The following EFL1 variants were observed in gnomAD, a reference collection of about 807,000 sequenced individuals.
EFL1 encodes the protein elongation factor-like GTPase 1.
EFL1 carries 76 observed loss-of-function variants against 126.7 expected under a neutral mutation model. The observed-to-expected ratio is 0.60, with a 90% CI of 0.50 to 0.73. The LOEUF (loss-of-function observed/expected upper bound fraction) is 0.73. Ranked by LOEUF, EFL1 falls within the 30% of genes least tolerant of loss-of-function variation. EFL1 has a pLI of 0.00. For missense variants in EFL1, 1,128 were observed against 1,343.2 expected (o/e 0.84, Z 2.50); for synonymous variants, 410 against 448.4 (o/e 0.91, Z 1.08).
At chr15:82,261,833 G>A in intron 1 of EFL1, 36 bp from the exon 2 acceptor site, 1 of 1,535,092 alleles carries the variant, frequency 6.5e-7, no homozygotes, top group East Asian at 2.3e-5. Context: ...TGGCCCAGAG[G>A]CTAAAGGTCG....
intron 15 of EFL1, among the ~76,000 whole-genome samples, chr15:82,170,761 T>C (rs2074127389): frequency 1.3e-5 from 2 of 152,256 alleles, no homozygotes; most frequent in African/African-American, 2.4e-5. Flanking sequence ...ATAACTTCTT[T>C]ATGAGGCATA....
chr15:82,180,851 C>A (rs1404661558), intron 15 of EFL1, among the ~76,000 whole-genome samples: 1 of 151,998 alleles, frequency 6.6e-6, no homozygotes, highest in East Asian at 1.9e-4. Flanking sequence ...ACCTCAGCCT[C>A]CTCAGTAGCT....
In EFL1 at chr15:82,246,470, G is replaced by A. The variant is rs117199519; in HGVS notation, c.245-5067C>T. Among the ~76,000 whole-genome samples the A allele has an allele frequency of 3.1e-3, 474 of 152,134 alleles. 1 individual carries two copies. Among genetic ancestry groups the A allele is most frequent in the Admixed American group, 5.5e-3 (84 of 15,286 alleles). ...ACTGTAAGGTGCTAGTCTCATTATC[G>A]GAGTAATTGAGAGAGTAATTGTAGG... On this transcript the variant is annotated intron_variant, in intron 4 of 19. Transcript: ENST00000268206.
chr15:82,131,495 C>T (rs2073644038), intron 19 of EFL1, among the ~76,000 whole-genome samples: 1 of 152,014 alleles, frequency 6.6e-6, no homozygotes. Flanking sequence ...GGGTGCATGA[C>T]ATTGTGAATG....
chr15:82,196,484 T>G (rs2074409164), intron 15 of EFL1, among the ~76,000 whole-genome samples: 1 of 152,242 alleles, frequency 6.6e-6, no homozygotes, highest in Non-Finnish European at 1.5e-5. Flanking sequence ...GTGTTTCAAA[T>G]AATCTCAGCT....
chr15:82,230,312 T>G (rs8032633), intron 8 of EFL1, among the ~76,000 whole-genome samples: 1 of 151,960 alleles, frequency 6.6e-6, no homozygotes, highest in East Asian at 1.9e-4. Context: ...GGTTTTAACA[T>G]TAAAAACACA....
At chr15:82,253,519 C>T (rs558919121) in intron 3 of EFL1, among the ~76,000 whole-genome samples, 1 of 152,172 alleles carries the variant, frequency 6.6e-6, no homozygotes, top group South Asian at 2.1e-4. Context: ...TGGGGCAGGT[C>T]AAGAACAACT....
chr15:82,208,707 T>C (rs2074551758), intron 15 of EFL1, among the ~76,000 whole-genome samples: 1 of 152,004 alleles, frequency 6.6e-6, no homozygotes, highest in Non-Finnish European at 1.5e-5. Flanking sequence ...ATGACATCAA[T>C]TACAGCAAGG....
chr15:82,131,266 A>G (rs1217099079), intron 19 of EFL1, among the ~76,000 whole-genome samples: 1 of 152,168 alleles, frequency 6.6e-6, no homozygotes, highest in Middle Eastern at 3.2e-3. Flanking sequence ...AGATCAACAC[A>G]TGTAACTACA....
rs774337883 is a variant in EFL1, at chr15:82,138,747, G to A, written c.3085C>T (p.Pro1029Ser). Residue 1029 changes from proline (P) to serine (S), a missense_variant, in exon 19 of 20, where the codon CCT becomes TCT. This residue lies in a region of EFL1 where 561 missense variants were observed against 641.7 expected (regional missense o/e 0.87). Coordinates refer to ENST00000268206, the MANE Select transcript of EFL1 (RefSeq NM_024580.6). ...GCAAAACCAAAGCTTTCAGCAACAG[G>A]CAGCACAGCCTTGATGATGAACATG... ...TDMFIIKAVL[P>S]VAESFGFADE... 1.9e-6 allele frequency: 3 copies of A among 1,613,970 alleles called. No homozygotes were observed. Among genetic ancestry groups the A allele is most frequent in the East Asian group, 2.2e-5 (1 of 44,874 alleles).
At chr15:82,213,986 CT>C (rs201729212) in intron 15 of EFL1, among the ~76,000 whole-genome samples, 1 of 152,138 alleles carries the variant, frequency 6.6e-6, no homozygotes, top group African/African-American at 2.4e-5. Flanking sequence ...CAGACTAGGC[CT>C]TTTTTAAAAA....
intron 15 of EFL1, among the ~76,000 whole-genome samples, chr15:82,199,902 A>T (rs1285290699): frequency 2.0e-5 from 3 of 152,212 alleles, no homozygotes; most frequent in Non-Finnish European, 4.4e-5. Flanking sequence ...AATGTTTAAA[A>T]ATAGCCCCCA....
At position 82,233,190 on chromosome 15, in the gene EFL1, C is replaced by G. The variant is rs1264951309; in HGVS notation, c.732-2219G>C. Among the ~76,000 whole-genome samples, 3 of 152,088 alleles carry G rather than the reference C, an allele frequency of 2.0e-5. No homozygotes were observed. The East Asian group carries it at 5.8e-4, about 29-fold the overall frequency. ...AATCTTGTTGCTTATCCTTTTCATT[C>G]TTTTTTATCCCGTAGTTACTACAAA... On this transcript the variant is annotated intron_variant, in intron 7 of 19. Coordinates refer to ENST00000268206, the MANE Select transcript of EFL1 (RefSeq NM_024580.6).
At chr15:82,171,025 T>C (rs1032171903) in intron 15 of EFL1, among the ~76,000 whole-genome samples, 3 of 152,190 alleles carry the variant, frequency 2.0e-5, no homozygotes, top group Admixed American at 6.5e-5. Context: ...AGATACGGCT[T>C]TACACAACCA....
chr15:82,186,361 C>G (rs866819519), intron 15 of EFL1, among the ~76,000 whole-genome samples: 1 of 152,126 alleles, frequency 6.6e-6, no homozygotes, highest in African/African-American at 2.4e-5. Context: ...AATCTTCTAG[C>G]CTAAAGTACT....
chr15:82,240,700 G>A, intron 5 of EFL1, 145 bp from the exon 6 acceptor site: 1 of 902,450 alleles, frequency 1.1e-6, no homozygotes, highest in Non-Finnish European at 1.7e-6. Flanking sequence ...ATACAGCGGA[G>A]TAGCAAAGAA....
intron 7 of EFL1, among the ~76,000 whole-genome samples, chr15:82,237,280 CTGTTTAGA>C (rs2074882912): frequency 6.6e-6 from 1 of 152,134 alleles, no homozygotes; most frequent in African/African-American, 2.4e-5. Context: ...CAAAGGACTA[CTGTTTAGA>C]ATAGAAAAAA....
intron 19 of EFL1, 134 bp from the exon 20 acceptor site, chr15:82,130,695 A>C: frequency 1.1e-6 from 1 of 930,682 alleles, no homozygotes; most frequent in Non-Finnish European, 1.6e-6. Context: ...CTTGCTAGGA[A>C]TGGTAATAAG....
Position 82,130,840 on chromosome 15 carries a change from TACA to T in EFL1, c.3175-282_3175-280del, listed in dbSNP as rs61308871. 1.5e-3 allele frequency among the ~76,000 whole-genome samples: 232 copies of T among 151,072 alleles called. 5 individuals are homozygous for T. In the East Asian group the frequency reaches 0.041, roughly 27 times the overall value. ...TGGTGAAACCCCGTCTCTACTAAAA[TACA>T]ACAACAACAACAACAACAAAAATTA... On this transcript the variant is annotated intron_variant, in intron 19 of 19. Transcript: ENST00000268206.
Sources: gnomAD v4.1 joint callset for allele counts (sites outside exome capture counted in the v4.1 genomes callset) on GRCh38, gnomAD v4.1.1 for gene constraint, gnomAD v4.1.1 regional missense constraint, MANE v1.5 for transcripts, NCBI Gene and HGNC (gene_info 2026-07-23, HGNC 2026-07-21) for gene names.